The following RBFOX1 variants were observed in gnomAD, a reference collection of about 807,000 sequenced individuals.
RBFOX1 encodes RNA binding protein fox-1 homolog 1.
RBFOX1 carries 8 observed loss-of-function variants against 57.7 expected under a neutral mutation model. The ratio of observed to expected loss-of-function variants is 0.14; its 90% CI spans 0.08 to 0.25. The LOEUF (loss-of-function observed/expected upper bound fraction) is 0.25. RBFOX1 is among the 10% of genes least tolerant of loss of function. RBFOX1 has a pLI of 1.00. For synonymous variants in RBFOX1, 326 were observed against 222.4 expected, an observed-to-expected ratio of 1.47 and a Z score of -4.15; for missense variants, 611 against 548.5, an observed-to-expected ratio of 1.11 and a Z score of -1.14.
In RBFOX1 at chr16:7,482,493, T is replaced by G. The variant is rs75119330; in HGVS notation, c.28-35654T>G. The stretch of plus-strand genomic sequence containing the variant: ...CAGTTGTTGTTGTTGTTGTTGTTGT[T>G]GTTTCTTAAATCAAGAGTTTGCATG... On this transcript the variant is annotated intron_variant, in intron 4 of 15. Transcript: ENST00000550418. Among the ~76,000 whole-genome samples the G allele has an allele frequency of 1.9e-4, 11 of 57,750 alleles. No individual in the cohort carries two copies. The South Asian group carries it at 2.0e-3, about 10-fold the overall frequency. 37.9% of individuals were successfully genotyped at this position (57,750 alleles called of 152,430 possible). A position where few individuals can be genotyped will look rare whatever the true frequency, so the allele number is the denominator to read the frequency against.
intron 3 of RBFOX1, among the ~76,000 whole-genome samples, chr16:6,981,123 T>C (rs1352466763): frequency 6.6e-6 from 1 of 152,004 alleles, no homozygotes; most frequent in East Asian, 1.9e-4. Flanking sequence ...CTTTTTTTAT[T>C]TTTTTAATTT....
At chr16:7,068,742 C>T (rs2056701814) in intron 4 of RBFOX1, among the ~76,000 whole-genome samples, 1 of 152,116 alleles carries the variant, frequency 6.6e-6, no homozygotes, top group Non-Finnish European at 1.5e-5. Flanking sequence ...TCCCTGCCAC[C>T]ACACCCAGCT....
intron 2 of RBFOX1, among the ~76,000 whole-genome samples, chr16:6,563,506 C>T (rs995056738): frequency 7.9e-5 from 12 of 152,116 alleles, no homozygotes; most frequent in Non-Finnish European, 1.6e-4. Flanking sequence ...ATCTACTCTA[C>T]CTTGTCTCCC....
intron 2 of RBFOX1, among the ~76,000 whole-genome samples, chr16:6,602,223 C>A (rs866886855): frequency 1.3e-5 from 2 of 152,044 alleles, no homozygotes; most frequent in Admixed American, 6.6e-5. Context: ...GGTATTCATT[C>A]CTGATAAGAT....
chr16:6,142,200 A>ATGC, intron 1 of RBFOX1, among the ~76,000 whole-genome samples: 1 of 148,628 alleles, frequency 6.7e-6, no homozygotes, highest in African/African-American at 2.5e-5. Flanking sequence ...AAAAAAAAAA[A>ATGC]AAAAAAAAAA....
At chr16:6,647,490 T>G (rs1054900715) in intron 2 of RBFOX1, among the ~76,000 whole-genome samples, 1 of 152,140 alleles carries the variant, frequency 6.6e-6, no homozygotes, top group Non-Finnish European at 1.5e-5. Context: ...TCAAGTGATA[T>G]ACCTGCCTTA....
chr16:7,210,871 G>A (rs1261171632), intron 4 of RBFOX1, among the ~76,000 whole-genome samples: 2 of 151,812 alleles, frequency 1.3e-5, no homozygotes, highest in Non-Finnish European at 2.9e-5. Context: ...TTGAATACTG[G>A]TAATTTGCCA....
intron 4 of RBFOX1, among the ~76,000 whole-genome samples, chr16:7,211,077 C>T (rs1468015859): frequency 2.8e-5 from 3 of 106,690 alleles, no homozygotes; most frequent in African/African-American, 4.7e-5. Context: ...ACCTTAGATA[C>T]ATACACTTAA....
At chr16:7,450,431 A>G (rs1257960423) in intron 4 of RBFOX1, among the ~76,000 whole-genome samples, 1 of 150,540 alleles carries the variant, frequency 6.6e-6, no homozygotes. Flanking sequence ...ACTTACAGAA[A>G]GCAAGTTCAA....
intron 13 of RBFOX1, among the ~76,000 whole-genome samples, chr16:7,669,650 A>G (rs554425335): frequency 2.6e-5 from 4 of 152,302 alleles, no homozygotes; most frequent in South Asian, 2.1e-4. Context: ...GCTAAACACA[A>G]TTATTTCTGA....
chr16:6,182,297 C>G (rs2097069576), intron 1 of RBFOX1, among the ~76,000 whole-genome samples: 1 of 152,138 alleles, frequency 6.6e-6, no homozygotes. Flanking sequence ...CCCAATTTTA[C>G]TCTGTTCTCT....
rs200892489 is a variant in RBFOX1, at chr16:7,630,698, G to A, written c.757+15G>A. The A allele has an allele frequency of 4.2e-5, 68 of 1,613,896 alleles. No homozygotes were observed. The highest frequency in any genetic ancestry group is 1.6e-4 in the African/African-American group (12 of 75,030). ...TACTTCTGCAAGTAAGCCCACTGTC[G>A]TGGCTCTTTTTGTTTTGTGACATAA... On this transcript the variant is annotated intron_variant, in intron 11 of 15. Coordinates refer to ENST00000550418, the MANE Select transcript of RBFOX1 (RefSeq NM_018723.4).
At chr16:7,002,113 A>T (rs1270461334) in intron 3 of RBFOX1, among the ~76,000 whole-genome samples, 1 of 151,166 alleles carries the variant, frequency 6.6e-6, no homozygotes. Flanking sequence ...TTTTTTTCTC[A>T]TGGGGTTGTT....
At chr16:6,739,384 TG>T (rs2071375532) in intron 3 of RBFOX1, among the ~76,000 whole-genome samples, 1 of 152,094 alleles carries the variant, frequency 6.6e-6, no homozygotes, top group African/African-American at 2.4e-5. Flanking sequence ...CCAATTCTCT[TG>T]AAAAGCACAA....
chr16:7,662,950 C>G (rs540826407), intron 12 of RBFOX1, among the ~76,000 whole-genome samples: 1 of 152,344 alleles, frequency 6.6e-6, no homozygotes, highest in African/African-American at 2.4e-5. Flanking sequence ...ATGTGCTTCC[C>G]ATCTAACTTG....
At chr16:7,036,366 AG>A (rs373657627) in intron 3 of RBFOX1, among the ~76,000 whole-genome samples, 59 of 152,264 alleles carry the variant, frequency 3.9e-4, no homozygotes, top group African/African-American at 1.3e-3. Context: ...GTTATAGGAA[AG>A]GGGTCCCAAT....
chr16:7,528,975 A>T (rs143489845), intron 5 of RBFOX1, among the ~76,000 whole-genome samples: 90 of 152,324 alleles, frequency 5.9e-4, no homozygotes, highest in African/African-American at 1.6e-3. Context: ...TTGGAAACGG[A>T]AGGCCAGGCA....
At chr16:5,532,855 C>T (rs1158521600) in intron 2 of RBFOX1, among the ~76,000 whole-genome samples, 1 of 152,144 alleles carries the variant, frequency 6.6e-6, no homozygotes, top group Admixed American at 6.5e-5. Flanking sequence ...CAATGTATTC[C>T]AACAGACTCT....
chr16:7,252,658 G>C (rs8064032), intron 4 of RBFOX1, among the ~76,000 whole-genome samples: 101,529 of 151,842 alleles, frequency 0.67, 35,563 homozygotes, highest in African/African-American at 0.88. Flanking sequence ...ATTGGTGTCA[G>C]CTACTTGTCC....
Sources: allele counts gnomAD v4.1 joint callset (sites outside exome capture counted in the v4.1 genomes callset), GRCh38; gene constraint gnomAD v4.1.1; transcripts MANE v1.5; gene names NCBI Gene and HGNC (gene_info 2026-07-23, HGNC 2026-07-21).